Variants in SPTBN1 observed in about 807,000 individuals in gnomAD.
SPTBN1 encodes spectrin beta chain, non-erythrocytic 1.
In SPTBN1, 32 loss-of-function variants were observed where a neutral mutation model predicts 266.4. The ratio of observed to expected loss-of-function variants is 0.12; its 90% confidence interval spans 0.09 to 0.16. The LOEUF is 0.16. SPTBN1 is among the 10% of genes least tolerant of loss of function. SPTBN1 has a pLI of 1.00. For missense variants in SPTBN1, 2,296 were observed against 3,067.1 expected (o/e 0.75, Z 5.94); for synonymous variants, 1,336 against 1,162.2 (o/e 1.15, Z -3.04).
intron 2 of SPTBN1, among the ~76,000 whole-genome samples, chr2:54,571,921 T>C (rs536994308): frequency 1.2e-4 from 18 of 152,314 alleles, no homozygotes; most frequent in African/African-American, 3.6e-4. Flanking sequence ...ATTTTGTCCA[T>C]GATGTGGCTA....
chr2:54,566,395 C>A (rs1410759050), intron 2 of SPTBN1, among the ~76,000 whole-genome samples: 1 of 151,932 alleles, frequency 6.6e-6, no homozygotes, highest in Non-Finnish European at 1.5e-5. Context: ...GCCATGTTGG[C>A]CAGGCTGATC....
intron 2 of SPTBN1, among the ~76,000 whole-genome samples, chr2:54,585,237 A>G (rs1305981047): frequency 1.3e-5 from 2 of 152,232 alleles, no homozygotes; most frequent in Non-Finnish European, 2.9e-5. Context: ...AGCTTTGGTT[A>G]GTGTTCCTAT....
At chr2:54,512,114 C>T (rs1195246892) in intron 1 of SPTBN1, among the ~76,000 whole-genome samples, 1 of 152,156 alleles carries the variant, frequency 6.6e-6, no homozygotes, top group Non-Finnish European at 1.5e-5. Flanking sequence ...AGGCAGAGCT[C>T]AGATGGTAGG....
At chr2:54,561,642 T>C (rs1673303706) in intron 2 of SPTBN1, among the ~76,000 whole-genome samples, 3 of 145,204 alleles carry the variant, frequency 2.1e-5, no homozygotes, top group South Asian at 4.2e-4. Flanking sequence ...TCTGGTCTAT[T>C]TAGATAAAAT....
At chr2:54,493,705 T>C (rs1261065678) in intron 1 of SPTBN1, among the ~76,000 whole-genome samples, 1 of 152,234 alleles carries the variant, frequency 6.6e-6, no homozygotes, top group African/African-American at 2.4e-5. Context: ...CCTGGCCTTA[T>C]TTTTATGTGT....
At chr2:54,591,053 A>T (rs1361623981) in intron 2 of SPTBN1, among the ~76,000 whole-genome samples, 1 of 152,212 alleles carries the variant, frequency 6.6e-6, no homozygotes, top group Non-Finnish European at 1.5e-5. Context: ...TAGATTGTCA[A>T]AATTATTCTC....
chr2:54,501,363 T>A (rs1236535303), intron 1 of SPTBN1, among the ~76,000 whole-genome samples: 1 of 152,148 alleles, frequency 6.6e-6, no homozygotes, highest in African/African-American at 2.4e-5. Flanking sequence ...GACTGACAAA[T>A]ACCAGACCAG....
intron 1 of SPTBN1, among the ~76,000 whole-genome samples, chr2:54,515,334 C>T (rs1206193775): frequency 6.6e-6 from 1 of 152,184 alleles, no homozygotes; most frequent in African/African-American, 2.4e-5. Flanking sequence ...TGCTGCACAG[C>T]CAGCTCTGTG....
chr2:54,613,138 T>C (rs1677343736), intron 4 of SPTBN1, among the ~76,000 whole-genome samples: 1 of 152,174 alleles, frequency 6.6e-6, no homozygotes, highest in African/African-American at 2.4e-5. Context: ...ATTGGTTCTT[T>C]CTCCAGGCTC....
intron 2 of SPTBN1, among the ~76,000 whole-genome samples, chr2:54,567,682 TACCC>T (rs1248657330): frequency 9.8e-5 from 15 of 152,344 alleles, no homozygotes; most frequent in African/African-American, 3.6e-4. Flanking sequence ...ATGCACATGA[TACCC>T]ACCAGGCAGC....
intron 1 of SPTBN1, among the ~76,000 whole-genome samples, chr2:54,504,016 A>G (rs932730292): frequency 5.3e-5 from 8 of 152,308 alleles, no homozygotes; most frequent in Admixed American, 5.2e-4. Context: ...CCCACACTAT[A>G]TTAGGAATTT....
At chr2:54,599,370 G>A (rs896978157) in intron 3 of SPTBN1, 127 bp downstream of exon 3, 1 of 1,168,694 alleles carries the variant, frequency 8.6e-7, no homozygotes, top group Non-Finnish European at 1.2e-6. Context: ...ATCTTGAGAA[G>A]TGAGTTGAGC....
At chr2:54,536,603 C>T (rs189973968) in intron 2 of SPTBN1, among the ~76,000 whole-genome samples, 1 of 152,214 alleles carries the variant, frequency 6.6e-6, no homozygotes, top group African/African-American at 2.4e-5. Flanking sequence ...AATATTTGGT[C>T]TATGTCTAAT....
chr2:54,617,328 T>A (rs1036709754), intron 5 of SPTBN1, among the ~76,000 whole-genome samples: 2 of 152,210 alleles, frequency 1.3e-5, no homozygotes, highest in African/African-American at 2.4e-5. Context: ...TCGTCACTTT[T>A]TCCTAAGTAA....
intron 3 of SPTBN1, among the ~76,000 whole-genome samples, chr2:54,600,876 G>C (rs1375295290): frequency 6.6e-6 from 1 of 151,462 alleles, no homozygotes; most frequent in Non-Finnish European, 1.5e-5. Context: ...CTAGGCTGTA[G>C]GGAGTAAACT....
chr2:54,486,103 G>A (rs576726805), intron 1 of SPTBN1, among the ~76,000 whole-genome samples: 46 of 148,592 alleles, frequency 3.1e-4, no homozygotes, highest in African/African-American at 8.7e-4. Context: ...AGGTGGGGGG[G>A]TCAGCCCCAC....
At chr2:54,559,644 T>TC (rs745803863) in intron 2 of SPTBN1, among the ~76,000 whole-genome samples, 16 of 152,118 alleles carry the variant, frequency 1.1e-4, no homozygotes, top group Non-Finnish European at 2.1e-4. Flanking sequence ...CCCTCAGCTG[T>TC]CCCTGCCCAG....
intron 3 of SPTBN1, among the ~76,000 whole-genome samples, chr2:54,610,795 A>G (rs1476828019): frequency 6.6e-6 from 1 of 152,220 alleles, no homozygotes; most frequent in Non-Finnish European, 1.5e-5. Context: ...TACTTCCAGC[A>G]TCACTAGTGG....
intron 1 of SPTBN1, among the ~76,000 whole-genome samples, chr2:54,507,698 C>G (rs1669645545): frequency 1.3e-5 from 2 of 151,234 alleles, no homozygotes; most frequent in Admixed American, 6.6e-5. Context: ...GCTTGGTTGG[C>G]AAGCTTTTAG....
Sources: allele counts gnomAD v4.1 joint callset (sites outside exome capture counted in the v4.1 genomes callset), GRCh38; gene constraint gnomAD v4.1.1; transcripts MANE v1.5; gene names NCBI Gene and HGNC (gene_info 2026-07-23, HGNC 2026-07-21).